The following XRN1 variants were observed in gnomAD, a reference collection of about 807,000 sequenced individuals.
The protein encoded by XRN1 is 5'-3' exoribonuclease 1, also known as strand-exchange protein 1 homolog.
Under a neutral mutation model 222.3 loss-of-function variants are expected in XRN1, and 67 were observed. The observed-to-expected ratio is 0.30, with a 90% CI of 0.25 to 0.37. XRN1 has a LOEUF of 0.37. XRN1 is among the 10% of genes least tolerant of loss of function. The probability of loss-of-function intolerance (pLI) is 1.00; values close to 1 mark genes in which losing one functional copy is unlikely to be tolerated. For synonymous variants in XRN1, 643 were observed against 652.4 expected (o/e 0.99, Z 0.22); for missense variants, 1,707 against 2,000.2 (o/e 0.85, Z 2.80).
chr3:142,404,909 T>C lies in XRN1; in HGVS notation c.1881A>G (p.Thr627=), dbSNP rs755047211. ...EKFPAIERCC[T]RYKIISLDAW... Reference sequence around the variant, plus strand: ...GAAAAATTACCAAGTAACATTACCTTGTACAACATCGTTCTATGGCAGGGA... The same window carrying C: ...GAAAAATTACCAAGTAACATTACCTCGTACAACATCGTTCTATGGCAGGGA... The change falls in exon 16 of 41, where the codon ACA becomes ACG. Residue 627 remains threonine, a splice_region_variant and synonymous_variant. Transcript: ENST00000392981. 1.1e-5 allele frequency: 18 copies of C among 1,613,946 alleles called. No individual in the cohort carries two copies. In the South Asian group the frequency reaches 1.4e-4, roughly 13 times the overall value.
intron 2 of XRN1, among the ~76,000 whole-genome samples, chr3:142,427,733 G>A (rs73864542): frequency 8.6e-4 from 131 of 152,310 alleles, no homozygotes; most frequent in African/African-American, 3.1e-3. Flanking sequence ...TTACAGTCAG[G>A]CAAACCTGGA....
rs773334497 is a variant in XRN1 at position 142,357,139 on chromosome 3, C to A, written c.3465-20G>T. ...GAGCATCTAAAAGTAAAAGTTATAT[C>A]AGGGTTGGAAGGAAAACAATACTAA... is the stretch of plus-strand genomic sequence containing the variant. On this transcript the variant is annotated intron_variant, in intron 30 of 40. Coordinates refer to ENST00000392981, the MANE Select transcript of XRN1 (RefSeq NM_001282857.2). The A allele has an allele frequency of 6.3e-7, 1 of 1,583,440 alleles. No homozygotes were observed. The highest frequency in any genetic ancestry group is 2.3e-5 in the East Asian group (1 of 43,730).
At chr3:142,442,795 G>A (rs963117937) in intron 1 of XRN1, among the ~76,000 whole-genome samples, 2 of 152,060 alleles carry the variant, frequency 1.3e-5, no homozygotes, top group Admixed American at 1.3e-4. Flanking sequence ...GTGCAGTGGC[G>A]CGATCTCACC....
chr3:142,333,695 G>C (rs141704503), intron 34 of XRN1, among the ~76,000 whole-genome samples: 24 of 152,170 alleles, frequency 1.6e-4, no homozygotes, highest in African/African-American at 4.8e-4. Flanking sequence ...GTTTAGATGA[G>C]GTCTTTAGGG....
intron 37 of XRN1, among the ~76,000 whole-genome samples, chr3:142,326,300 T>C (rs1577223649): frequency 6.6e-6 from 1 of 152,124 alleles, no homozygotes; most frequent in East Asian, 1.9e-4. Flanking sequence ...ATCTTTCCAT[T>C]TCTTTGTGTC....
At position 142,421,068 on chromosome 3, in the gene XRN1, G is replaced by C; in HGVS notation, c.1121C>G (p.Ala374Gly). Residue 374 changes from alanine to glycine, a missense_variant, in exon 10 of 41, where the codon GCA (alanine) becomes GGA (glycine). Ala to Gly is a moderately conservative substitution (Grantham distance 60). Coordinates refer to ENST00000392981, the MANE Select transcript of XRN1 (RefSeq NM_001282857.2). Reference protein sequence around the residue: ...KVGNKYLNEAAGVAAEEARNY... With the variant: ...KVGNKYLNEAGGVAAEEARNY... ...CCTGGCTTCTTCTGCTGCGACACCT[G>C]CTGCTTCATTGAGGTACTTGTTACC... 1 of 1,613,988 alleles carries C rather than the reference G, an allele frequency of 6.2e-7. No homozygotes were observed. The highest frequency in any genetic ancestry group is 8.5e-7 in the Non-Finnish European group (1 of 1,179,966).
chr3:142,431,685 C>T (rs181334156), intron 2 of XRN1, among the ~76,000 whole-genome samples: 12 of 148,544 alleles, frequency 8.1e-5, no homozygotes, highest in Middle Eastern at 3.4e-3. Flanking sequence ...GGTGTGGTGG[C>T]GGGCACCTGT....
At position 142,432,013 on chromosome 3, in the gene XRN1, TA is replaced by T. The variant is rs548961011; in HGVS notation, c.308+647del. Among the ~76,000 whole-genome samples the T allele has an allele frequency of 8.3e-3, 845 of 102,208 alleles. 19 individuals carry two copies. Among genetic ancestry groups the T allele is most frequent in the African/African-American group, 0.034 (816 of 23,916 alleles). The allele number at this position is 102,208 out of a possible 152,430, so 67.1% of individuals were successfully genotyped here. A position where few individuals can be genotyped will look rare whatever the true frequency, so the allele number is the denominator to read the frequency against. ...AATATATTGTATATATATAAATATA[TA>T]TTTTTTTAATATATATAATCTTTTT... On this transcript the variant is annotated intron_variant, in intron 2 of 40. Coordinates refer to ENST00000392981, the MANE Select transcript of XRN1 (RefSeq NM_001282857.2).
intron 20 of XRN1, among the ~76,000 whole-genome samples, chr3:142,385,552 G>C (rs185010495): frequency 1.3e-5 from 2 of 152,232 alleles, no homozygotes; most frequent in East Asian, 3.9e-4. Context: ...TTTACTTCCT[G>C]TCTATGGCTG....
At chr3:142,319,935 C>A (rs560030164) in intron 37 of XRN1, among the ~76,000 whole-genome samples, 143 of 152,140 alleles carry the variant, frequency 9.4e-4, no homozygotes, top group Middle Eastern at 3.4e-3. Context: ...CACACACGCA[C>A]GCACACATAC....
chr3:142,375,232 A>G (rs2067106959), intron 25 of XRN1, among the ~76,000 whole-genome samples: 1 of 152,238 alleles, frequency 6.6e-6, no homozygotes, highest in Non-Finnish European at 1.5e-5. Context: ...ATCTTCAAAT[A>G]TAAGGTTAGA....
intron 7 of XRN1, 22 bp downstream of exon 7, chr3:142,422,813 C>A: frequency 6.2e-7 from 1 of 1,604,928 alleles, no homozygotes; most frequent in South Asian, 1.1e-5. Flanking sequence ...AATCCTTGGT[C>A]CATGGCTTTA....
intron 34 of XRN1, among the ~76,000 whole-genome samples, chr3:142,333,909 A>T (rs1001239205): frequency 3.3e-5 from 5 of 152,326 alleles, no homozygotes; most frequent in African/African-American, 1.2e-4. Context: ...TAAAGACATT[A>T]TTCTGCTAGT....
rs1336427528 is a variant in XRN1 at position 142,431,926 on chromosome 3, T to G, written c.308+735A>C. On this transcript the variant is annotated intron_variant, in intron 2 of 40. Transcript: ENST00000392981. Reference sequence around the variant, plus strand: ...ATTATATATATAAATATATATAATATAATATATTGTATATATTATATAATA... The same window carrying G: ...ATTATATATATAAATATATATAATAGAATATATTGTATATATTATATAATA... Among the ~76,000 whole-genome samples, 21 of 79,620 alleles carry G rather than the reference T, an allele frequency of 2.6e-4. No individual in the cohort carries two copies. The Admixed American group carries it at 4.1e-3, about 16-fold the overall frequency. The allele number at this position is 79,620 out of a possible 152,430, so 52.2% of individuals were successfully genotyped here.
Position 142,370,562 on chromosome 3 carries a change from A to T in XRN1, c.3127T>A (p.Ser1043Thr). Residue 1043 changes from serine (S) to threonine (T), a missense_variant, in exon 27 of 41, where the codon TCT (serine) becomes ACT (threonine). Ser to Thr is a moderately conservative substitution (Grantham distance 58). This residue lies in a region of XRN1 where 1,234 missense variants were observed against 1,518.2 expected (regional missense o/e 0.81). Coordinates refer to ENST00000392981, the MANE Select transcript of XRN1 (RefSeq NM_001282857.2). ...ATTTGTAAATCACAAGAAGAACGAG[A>T]TAAAGTACTGACAGGATGTCCTTTT... ...WLKGHPVSTL[S>T]RSSCDLQILD... 6.2e-7 allele frequency: 1 copy of T among 1,608,230 alleles called. No homozygotes were observed. The highest frequency in any genetic ancestry group is 1.1e-5 in the South Asian group (1 of 89,468).
intron 39 of XRN1, among the ~76,000 whole-genome samples, chr3:142,318,029 C>T (rs545413614): frequency 6.6e-6 from 1 of 152,208 alleles, no homozygotes; most frequent in Non-Finnish European, 1.5e-5. Context: ...CAGTATTATT[C>T]ACCTTTCTAA....
Position 142,432,792 on chromosome 3 carries a change from T to C in XRN1, c.177A>G (p.Lys59=), listed in dbSNP as rs1423585623. The C allele has an allele frequency of 6.2e-7, 1 of 1,613,850 alleles. No homozygotes were observed. The highest frequency in any genetic ancestry group is 8.5e-7 in the Non-Finnish European group (1 of 1,180,012). ...GGTAGTGAAAAATATCAGTAAAGAT[T>C]TTATCATCTGAAATTCTAAAGTGAA... ...DDVHFRISDD[K]IFTDIFHYLE... is the part of the protein sequence containing the mutation. Residue 59 remains lysine, a synonymous_variant, in exon 2 of 41, where the codon AAA becomes AAG. Transcript: ENST00000392981.
At chr3:142,414,078 G>A in intron 14 of XRN1, 57 bp downstream of exon 14, 2 of 1,444,278 alleles carry the variant, frequency 1.4e-6, no homozygotes. Flanking sequence ...TCTAGGTTTG[G>A]AGGAAGAGCT....
intron 20 of XRN1, among the ~76,000 whole-genome samples, chr3:142,391,418 C>CA (rs950629667): frequency 2.0e-5 from 3 of 152,032 alleles, no homozygotes; most frequent in African/African-American, 7.2e-5. Context: ...GCTTTGGGGT[C>CA]AGTGTTGTTG....
Sources: allele counts gnomAD v4.1 joint callset (sites outside exome capture counted in the v4.1 genomes callset), GRCh38; gene constraint gnomAD v4.1.1; regional missense constraint gnomAD v4.1.1; transcripts MANE v1.5; gene names NCBI Gene and HGNC (gene_info 2026-07-23, HGNC 2026-07-21).